The following LRRTM4 variants were observed in gnomAD, a reference collection of about 807,000 sequenced individuals.
LRRTM4 encodes the protein leucine-rich repeat transmembrane neuronal protein 4.
A neutral mutation model predicts 47.6 loss-of-function variants in LRRTM4; 25 were observed. That is an observed-to-expected ratio of 0.53 (90% CI 0.38 to 0.73). The LOEUF (loss-of-function observed/expected upper bound fraction) is 0.73, where lower values mean the gene tolerates loss of function less well. LRRTM4 is among the 30% of genes least tolerant of loss of function. The probability of loss-of-function intolerance (pLI) is 0.00; values close to 1 mark genes in which losing one functional copy is unlikely to be tolerated. For missense variants in LRRTM4, 638 were observed against 713.4 expected (o/e 0.89, Z 1.20); for synonymous variants, 311 against 269.5 (o/e 1.15, Z -1.51).
At chr2:77,250,271 C>A (rs565626272) in intron 3 of LRRTM4, among the ~76,000 whole-genome samples, 3 of 152,048 alleles carry the variant, frequency 2.0e-5, no homozygotes, top group African/African-American at 7.2e-5. Flanking sequence ...AAGAGTGGAC[C>A]CTAATGTAAA....
chr2:76,766,358 A>G (rs189840230), intron 3 of LRRTM4, among the ~76,000 whole-genome samples: 10 of 152,296 alleles, frequency 6.6e-5, no homozygotes, highest in African/African-American at 2.4e-4. Context: ...CACGGCATTA[A>G]TACATTTTCT....
intron 3 of LRRTM4, among the ~76,000 whole-genome samples, chr2:77,387,356 A>C (rs1175325248): frequency 6.6e-6 from 1 of 152,066 alleles, no homozygotes; most frequent in East Asian, 1.9e-4. Flanking sequence ...GTGGGAAGCA[A>C]TCCACCATGG....
chr2:77,068,807 G>GT (rs1680048616), intron 3 of LRRTM4, among the ~76,000 whole-genome samples: 1 of 152,212 alleles, frequency 6.6e-6, no homozygotes, highest in Admixed American at 6.5e-5. Context: ...CTACAGCACT[G>GT]TAACATGTTC....
chr2:77,443,152 G>T (rs1675913149), intron 3 of LRRTM4, among the ~76,000 whole-genome samples: 1 of 152,116 alleles, frequency 6.6e-6, no homozygotes. Context: ...GTGTAAGATG[G>T]GTTGCAAATG....
chr2:76,853,796 G>GT (rs1422515235), intron 3 of LRRTM4, among the ~76,000 whole-genome samples: 5 of 152,116 alleles, frequency 3.3e-5, no homozygotes, highest in Non-Finnish European at 7.4e-5. Flanking sequence ...ACAGAATTGT[G>GT]TTTTTCTGTA....
intron 3 of LRRTM4, among the ~76,000 whole-genome samples, chr2:76,798,806 G>C (rs904670106): frequency 3.9e-5 from 6 of 152,006 alleles, no homozygotes; most frequent in Non-Finnish European, 5.9e-5. Flanking sequence ...ACTACCATCA[G>C]AGAATACTAC....
At chr2:77,015,537 G>T (rs894090991) in intron 3 of LRRTM4, among the ~76,000 whole-genome samples, 1 of 151,996 alleles carries the variant, frequency 6.6e-6, no homozygotes, top group Non-Finnish European at 1.5e-5. Context: ...TGTTGGTCAG[G>T]CTGGTCTCGA....
intron 3 of LRRTM4, among the ~76,000 whole-genome samples, chr2:76,793,430 A>C (rs1675083846): frequency 6.6e-6 from 1 of 152,198 alleles, no homozygotes; most frequent in African/African-American, 2.4e-5. Context: ...TTCCAAAGCA[A>C]AAGAATCAAG....
At chr2:76,987,750 C>G (rs1018036211) in intron 3 of LRRTM4, among the ~76,000 whole-genome samples, 1 of 151,774 alleles carries the variant, frequency 6.6e-6, no homozygotes, top group African/African-American at 2.4e-5. Context: ...CTCCATTATC[C>G]TGTAGATGCA....
chr2:76,807,090 G>A (rs1487638240), intron 3 of LRRTM4, among the ~76,000 whole-genome samples: 1 of 152,004 alleles, frequency 6.6e-6, no homozygotes, highest in Non-Finnish European at 1.5e-5. Context: ...ATTCATGGGT[G>A]TGTGTTAACT....
At chr2:77,076,879 T>A (rs1419769113) in intron 3 of LRRTM4, among the ~76,000 whole-genome samples, 1 of 152,186 alleles carries the variant, frequency 6.6e-6, no homozygotes, top group Non-Finnish European at 1.5e-5. Context: ...TTATAAGTAC[T>A]AAAATTTACA....
At chr2:76,808,307 C>T (rs1430964616) in intron 3 of LRRTM4, among the ~76,000 whole-genome samples, 7 of 152,072 alleles carry the variant, frequency 4.6e-5, no homozygotes, top group Admixed American at 1.3e-4. Flanking sequence ...CCGCAGCTGG[C>T]CTATTTTCAT....
chr2:76,771,006 G>A (rs903630447), intron 3 of LRRTM4, among the ~76,000 whole-genome samples: 2 of 152,140 alleles, frequency 1.3e-5, no homozygotes, highest in Non-Finnish European at 2.9e-5. Flanking sequence ...TTGATTATTT[G>A]ACTGTCAAAT....
intron 3 of LRRTM4, among the ~76,000 whole-genome samples, chr2:76,922,448 T>G (rs77993899): frequency 0.015 from 2,292 of 152,118 alleles, 59 homozygotes; most frequent in African/African-American, 0.053. Flanking sequence ...ACTGTCAGAA[T>G]AGCAAGCCTC....
At chr2:76,773,066 C>G (rs930845608) in intron 3 of LRRTM4, 2 of 152,154 alleles carry the variant, frequency 1.3e-5, no homozygotes, top group Non-Finnish European at 2.9e-5. Context: ...ATAAGGAGTA[C>G]TATTGTGTGC....
chr2:76,847,289 A>G (rs899420693), intron 3 of LRRTM4, among the ~76,000 whole-genome samples: 1 of 152,190 alleles, frequency 6.6e-6, no homozygotes, highest in Non-Finnish European at 1.5e-5. Context: ...TTAATGTTGT[A>G]TTTGTAACAT....
intron 3 of LRRTM4, among the ~76,000 whole-genome samples, chr2:77,263,293 T>G (rs1044793244): frequency 1.3e-5 from 2 of 152,100 alleles, no homozygotes; most frequent in African/African-American, 4.8e-5. Context: ...ATTTACGTCC[T>G]TTGCAATAAA....
intron 3 of LRRTM4, among the ~76,000 whole-genome samples, chr2:77,273,008 G>A (rs1405810678): frequency 2.0e-5 from 3 of 152,252 alleles, no homozygotes; most frequent in Non-Finnish European, 4.4e-5. Flanking sequence ...TTTGATGGCA[G>A]TACTTTTTTA....
At chr2:77,205,505 C>T (rs770915239) in intron 3 of LRRTM4, among the ~76,000 whole-genome samples, 2 of 152,016 alleles carry the variant, frequency 1.3e-5, no homozygotes, top group Non-Finnish European at 2.9e-5. Flanking sequence ...AGTAATGACA[C>T]ACAACACATG....
Sources: gnomAD v4.1 joint callset for allele counts (sites outside exome capture counted in the v4.1 genomes callset) on GRCh38, gnomAD v4.1.1 for gene constraint, MANE v1.5 for transcripts, NCBI Gene and HGNC (gene_info 2026-07-23, HGNC 2026-07-21) for gene names.